Variants in NLGN1 observed in about 807,000 individuals in gnomAD.
NLGN1 encodes neuroligin 1.
In NLGN1, 12 loss-of-function variants were observed where a neutral mutation model predicts 65.5. The observed-to-expected ratio is 0.18, with a 90% confidence interval of 0.12 to 0.30. The LOEUF (loss-of-function observed/expected upper bound fraction) is 0.30, where lower values mean the gene tolerates loss of function less well. Ranked by LOEUF, NLGN1 falls within the 10% of genes least tolerant of loss-of-function variation. The pLI, the probability that NLGN1 is intolerant of heterozygous loss-of-function variation, is 1.00. For missense variants in NLGN1, 750 were observed against 1,007.1 expected (o/e 0.74, Z 3.46); for synonymous variants, 350 against 359.5 (o/e 0.97, Z 0.30).
At chr3:174,047,193 T>C (rs1430014871) in intron 4 of NLGN1, among the ~76,000 whole-genome samples, 1 of 152,042 alleles carries the variant, frequency 6.6e-6, no homozygotes, top group Non-Finnish European at 1.5e-5. Flanking sequence ...GAATTTATCA[T>C]AATTCACCAT....
chr3:173,702,012 G>A (rs1426596965), intron 3 of NLGN1, among the ~76,000 whole-genome samples: 1 of 152,130 alleles, frequency 6.6e-6, no homozygotes, highest in African/African-American at 2.4e-5. Flanking sequence ...GGCCGAGGCG[G>A]GTGGATCACG....
At chr3:173,514,554 G>A (rs1733519338) in intron 2 of NLGN1, among the ~76,000 whole-genome samples, 1 of 152,244 alleles carries the variant, frequency 6.6e-6, no homozygotes, top group East Asian at 1.9e-4. Context: ...ATTTTTAAGT[G>A]TACAATATAA....
chr3:173,818,895 C>CTT lies in NLGN1; in HGVS notation c.646+11078_646+11079dup, dbSNP rs200212547. On this transcript the variant is annotated intron_variant, in intron 4 of 6. Transcript: ENST00000457714. ...AATTTTGTTCTGCCTTTGAATAGTT[C>CTT]TTTTTTTTTTTTTTTTCCAGTAAGG... 1.2e-3 allele frequency among the ~76,000 whole-genome samples: 108 copies of CTT among 92,386 alleles called. 8 individuals are homozygous for CTT. Among genetic ancestry groups the CTT allele is most frequent in the African/African-American group, 2.2e-3 (47 of 21,220 alleles). 60.6% of individuals were successfully genotyped at this position (92,386 alleles called of 152,430 possible).
At chr3:174,136,482 G>C (rs888800593) in intron 4 of NLGN1, 2 of 152,066 alleles carry the variant, frequency 1.3e-5, no homozygotes, top group African/African-American at 2.4e-5. Context: ...ACATTGTTTT[G>C]ACAGTGAAAA....
chr3:174,139,098 G>A (rs1026500446), intron 4 of NLGN1, among the ~76,000 whole-genome samples: 3 of 151,856 alleles, frequency 2.0e-5, no homozygotes, highest in Non-Finnish European at 4.4e-5. Context: ...TCTTGCACAA[G>A]TGATGATAAT....
chr3:173,950,522 G>A (rs141263737), intron 4 of NLGN1, among the ~76,000 whole-genome samples: 54 of 152,174 alleles, frequency 3.5e-4, no homozygotes, highest in African/African-American at 1.3e-3. Flanking sequence ...TTCTAAAAAG[G>A]TCCTAAACAA....
At chr3:174,284,587 A>G (rs912727219) in exon 7 of NLGN1, 4 of 151,390 alleles carry the variant, frequency 2.6e-5, no homozygotes, top group African/African-American at 9.7e-5. Context: ...TAAAATTTTT[A>G]CCAAATGTTT....
At chr3:173,854,880 A>G (rs535303556) in intron 4 of NLGN1, among the ~76,000 whole-genome samples, 1 of 152,256 alleles carries the variant, frequency 6.6e-6, no homozygotes, top group East Asian at 1.9e-4. Flanking sequence ...TTGAACAAAA[A>G]GTGCCAGTCC....
At chr3:173,790,196 G>C (rs1459408552) in intron 3 of NLGN1, among the ~76,000 whole-genome samples, 1 of 151,722 alleles carries the variant, frequency 6.6e-6, no homozygotes, top group Non-Finnish European at 1.5e-5. Context: ...ATATACATAT[G>C]TGTGTGTGTG....
intron 3 of NLGN1, among the ~76,000 whole-genome samples, chr3:173,652,238 A>G (rs1341613114): frequency 1.3e-5 from 2 of 152,002 alleles, no homozygotes; most frequent in African/African-American, 4.8e-5. Context: ...TCCGTTGATT[A>G]TTTCTTTTGC....
At chr3:173,543,560 A>G (rs541326851) in intron 2 of NLGN1, among the ~76,000 whole-genome samples, 1 of 152,268 alleles carries the variant, frequency 6.6e-6, no homozygotes, top group South Asian at 2.1e-4. Flanking sequence ...AGAAGATAGC[A>G]AGCGTATTCT....
intron 2 of NLGN1, among the ~76,000 whole-genome samples, chr3:173,447,671 A>C (rs934448842): frequency 2.6e-5 from 4 of 152,114 alleles, no homozygotes; most frequent in African/African-American, 7.2e-5. Context: ...TTTTCATGAT[A>C]TTGATTCTTC....
intron 4 of NLGN1, among the ~76,000 whole-genome samples, chr3:173,903,781 A>T (rs544822273): frequency 2.1e-4 from 32 of 152,304 alleles, no homozygotes; most frequent in Admixed American, 2.1e-3. Context: ...TTAAAGTCTC[A>T]AATGAGAGTT....
At chr3:173,605,949 T>C (rs1424615122) in intron 3 of NLGN1, among the ~76,000 whole-genome samples, 1 of 152,108 alleles carries the variant, frequency 6.6e-6, no homozygotes, top group Non-Finnish European at 1.5e-5. Context: ...TGAACTCTTT[T>C]CTACAGATAT....
chr3:173,806,875 C>T (rs1441461546), intron 3 of NLGN1, among the ~76,000 whole-genome samples: 3 of 152,122 alleles, frequency 2.0e-5, no homozygotes, highest in Non-Finnish European at 4.4e-5. Context: ...TTGAACTTAG[C>T]TCTATCCCAT....
intron 4 of NLGN1, among the ~76,000 whole-genome samples, chr3:174,154,990 T>C (rs866997811): frequency 2.0e-5 from 2 of 99,786 alleles, no homozygotes; most frequent in Non-Finnish European, 3.7e-5. Context: ...TTATATTATA[T>C]ATTATATATA....
At chr3:174,044,655 A>C (rs1733127437) in intron 4 of NLGN1, among the ~76,000 whole-genome samples, 1 of 152,094 alleles carries the variant, frequency 6.6e-6, no homozygotes, top group South Asian at 2.1e-4. Flanking sequence ...GCCATTCAAC[A>C]AGTCTCTAGG....
chr3:173,504,941 G>A (rs1030708801), intron 2 of NLGN1, among the ~76,000 whole-genome samples: 1 of 151,980 alleles, frequency 6.6e-6, no homozygotes, highest in African/African-American at 2.4e-5. Flanking sequence ...CAAATCTAAA[G>A]AGCAGATCCA....
intron 1 of NLGN1, among the ~76,000 whole-genome samples, chr3:173,426,575 A>G (rs1336342678): frequency 6.6e-6 from 1 of 152,072 alleles, no homozygotes; most frequent in African/African-American, 2.4e-5. Flanking sequence ...TTCTGCATTC[A>G]TTGAAATAAT....
Sources: allele counts gnomAD v4.1 joint callset (sites outside exome capture counted in the v4.1 genomes callset), GRCh38; gene constraint gnomAD v4.1.1; transcripts MANE v1.5; gene names NCBI Gene and HGNC (gene_info 2026-07-23, HGNC 2026-07-21).